The following NTN4 variants were observed in gnomAD, a reference collection of about 807,000 sequenced individuals.
NTN4 encodes the protein netrin-4.
NTN4 carries 32 observed loss-of-function variants against 73.6 expected under a neutral mutation model. That is an observed-to-expected ratio of 0.44 (90% CI 0.33 to 0.58). The LOEUF is 0.58. NTN4 is among the 20% of genes least tolerant of loss of function. The pLI is 0.04. For missense variants in NTN4, 654 were observed against 798.3 expected (o/e 0.82, Z 2.18); for synonymous variants, 258 against 287.5 (o/e 0.90, Z 1.04).
chr12:95,713,219 C>T lies in NTN4; in HGVS notation c.984G>A (p.Glu328=), dbSNP rs1218785461. The change falls in exon 4 of 10, where the codon GAG becomes GAA. Residue 328 remains glutamate, a synonymous_variant. Coordinates refer to ENST00000343702, the MANE Select transcript of NTN4 (RefSeq NM_021229.4). ...AADGKTGAPN[E]CRTCKCNGHA... is the part of the protein sequence containing the mutation. ...CGTGGGCTTGTTACTTACTTCTGCA[C>T]TCGTTGGGAGCCCCCGTTTTGCCAT... is the stretch of plus-strand genomic sequence containing the variant. The T allele has an allele frequency of 2.5e-6, 4 of 1,613,012 alleles. No homozygotes were observed. In the South Asian group the frequency reaches 4.4e-5, roughly 18 times the overall value.
At chr12:95,683,843 A>T (rs1300077877) in intron 5 of NTN4, 132 bp from the exon 6 acceptor site, 2 of 647,102 alleles carry the variant, frequency 3.1e-6, no homozygotes, top group African/African-American at 3.6e-5. Flanking sequence ...TTAGCCAGTG[A>T]GTGTATGCTC....
At chr12:95,739,868 C>T (rs2078810358) in intron 2 of NTN4, 1 of 152,254 alleles carries the variant, frequency 6.6e-6, no homozygotes, top group South Asian at 2.1e-4. Flanking sequence ...CTAGTTCCCT[C>T]TCTCACCCCA....
chr12:95,705,284 C>T (rs2078514776), intron 5 of NTN4, among the ~76,000 whole-genome samples: 1 of 152,000 alleles, frequency 6.6e-6, no homozygotes, highest in African/African-American at 2.4e-5. Flanking sequence ...ATATACATGG[C>T]TATATCTATA....
At chr12:95,664,655 C>T (rs1421092157) in intron 9 of NTN4, among the ~76,000 whole-genome samples, 2 of 151,986 alleles carry the variant, frequency 1.3e-5, no homozygotes, top group Non-Finnish European at 2.9e-5. Flanking sequence ...CTCTGTCACC[C>T]AGGCTGGAGT....
chr12:95,698,129 G>C (rs976430410), intron 5 of NTN4, among the ~76,000 whole-genome samples: 4 of 152,112 alleles, frequency 2.6e-5, no homozygotes, highest in Non-Finnish European at 5.9e-5. Context: ...ATGAATTTTG[G>C]TATCCTCGGG....
rs546365929 is a variant in NTN4 at position 95,722,436 on chromosome 12, G to A, written c.865-9098C>T. Among the ~76,000 whole-genome samples the A allele has an allele frequency of 5.9e-5, 9 of 152,054 alleles. No individual in the cohort carries two copies. The East Asian group carries it at 1.6e-3, about 26-fold the overall frequency. ...CACTCATAAATTGGAGACCAGCCTC[G>A]GCAACATGGCAATACCTCATCTCTA... On this transcript the variant is annotated intron_variant, in intron 3 of 9. Coordinates refer to ENST00000343702, the MANE Select transcript of NTN4 (RefSeq NM_021229.4).
intron 5 of NTN4, among the ~76,000 whole-genome samples, chr12:95,684,467 TAAA>T (rs67432613): frequency 7.7e-6 from 1 of 129,764 alleles, no homozygotes; most frequent in Admixed American, 8.1e-5. Context: ...CCTGGCTACT[TAAA>T]AAAAATTTTT....
At chr12:95,688,653 C>T (rs753766834) in intron 5 of NTN4, among the ~76,000 whole-genome samples, 48 of 151,910 alleles carry the variant, frequency 3.2e-4, no homozygotes, top group Admixed American at 1.8e-3. Flanking sequence ...TGAAACTTCC[C>T]AGGGACGGTG....
At chr12:95,766,286 A>G (rs574061810) in intron 2 of NTN4, among the ~76,000 whole-genome samples, 1 of 152,314 alleles carries the variant, frequency 6.6e-6, no homozygotes, top group South Asian at 2.1e-4. Context: ...GCCCTCTTCT[A>G]TTGGAGTCGT....
chr12:95,671,825 G>T (rs1432470346), intron 7 of NTN4, among the ~76,000 whole-genome samples: 8 of 152,130 alleles, frequency 5.3e-5, no homozygotes, highest in African/African-American at 1.9e-4. Flanking sequence ...TGCACTCACT[G>T]ATTTAACAAT....
intron 3 of NTN4, among the ~76,000 whole-genome samples, chr12:95,737,295 C>G (rs2078785375): frequency 6.6e-6 from 1 of 152,156 alleles, no homozygotes; most frequent in African/African-American, 2.4e-5. Flanking sequence ...TACAGTTCCT[C>G]AGAGAGTTCG....
chr12:95,783,917 G>A (rs928085309), intron 2 of NTN4, among the ~76,000 whole-genome samples: 1 of 152,108 alleles, frequency 6.6e-6, no homozygotes, highest in Non-Finnish European at 1.5e-5. Context: ...TGATGGAGGT[G>A]GCTGACTCTT....
chr12:95,754,347 C>G (rs930663006), intron 2 of NTN4, among the ~76,000 whole-genome samples: 3 of 152,082 alleles, frequency 2.0e-5, no homozygotes, highest in Non-Finnish European at 4.4e-5. Flanking sequence ...TCGAAGCAGC[C>G]CTGAGAAACA....
intron 5 of NTN4, among the ~76,000 whole-genome samples, chr12:95,689,087 C>T (rs1022499294): frequency 3.3e-5 from 5 of 152,140 alleles, no homozygotes; most frequent in African/African-American, 9.7e-5. Flanking sequence ...ACGCCCCTCC[C>T]CATAAGCTCT....
chr12:95,692,446 C>T (rs1302411968), intron 5 of NTN4, among the ~76,000 whole-genome samples: 3 of 152,204 alleles, frequency 2.0e-5, no homozygotes, highest in African/African-American at 7.2e-5. Flanking sequence ...GATTTCACAA[C>T]AGATTCCCTT....
At chr12:95,759,268 G>A (rs1233766011) in intron 2 of NTN4, among the ~76,000 whole-genome samples, 2 of 151,562 alleles carry the variant, frequency 1.3e-5, no homozygotes, top group African/African-American at 2.4e-5. Context: ...TTTTTTTCCT[G>A]TTACTCCTAC....
chr12:95,731,540 T>TG (rs2121154329), intron 3 of NTN4, among the ~76,000 whole-genome samples: 1 of 152,170 alleles, frequency 6.6e-6, no homozygotes, highest in South Asian at 2.1e-4. Flanking sequence ...TGCAACAGAG[T>TG]GAGACTCTGT....
At chr12:95,689,226 C>G (rs908307181) in intron 5 of NTN4, among the ~76,000 whole-genome samples, 1 of 152,142 alleles carries the variant, frequency 6.6e-6, no homozygotes, top group Non-Finnish European at 1.5e-5. Flanking sequence ...ACTCACTCAA[C>G]CAACAAATGT....
intron 7 of NTN4, among the ~76,000 whole-genome samples, chr12:95,672,075 CTT>C (rs34127591): frequency 0.35 from 52,445 of 151,634 alleles, 8,989 homozygotes; most frequent in Middle Eastern, 0.43. Flanking sequence ...AATCCCAGCA[CTT>C]TGGGAGGTCG....
Sources: allele counts gnomAD v4.1 joint callset (sites outside exome capture counted in the v4.1 genomes callset), GRCh38; gene constraint gnomAD v4.1.1; transcripts MANE v1.5; gene names NCBI Gene and HGNC (gene_info 2026-07-23, HGNC 2026-07-21).